The following STX7 variants were observed in gnomAD, a reference collection of about 807,000 sequenced individuals.
STX7 encodes the protein syntaxin-7.
Under a neutral mutation model 39.6 loss-of-function variants are expected in STX7, and 34 were observed. That is an observed-to-expected ratio of 0.86 (90% CI 0.65 to 1.14). The LOEUF is 1.14. Ranked by LOEUF, STX7 falls within the 50% of genes most tolerant of loss-of-function variation. The probability of loss-of-function intolerance (pLI) is 0.00; values close to 1 mark genes in which losing one functional copy is unlikely to be tolerated. For synonymous variants in STX7, 119 were observed against 99.1 expected (o/e 1.20, Z -1.19); for missense variants, 284 against 310.4 (o/e 0.92, Z 0.64).
At chr6:132,479,617 GA>G (rs1442699684) in intron 2 of STX7, among the ~76,000 whole-genome samples, 2 of 152,256 alleles carry the variant, frequency 1.3e-5, no homozygotes, top group East Asian at 3.9e-4. Flanking sequence ...CTTGTTCAGT[GA>G]AATAATAAAC....
At chr6:132,509,000 T>A (rs1186722122) in intron 1 of STX7, among the ~76,000 whole-genome samples, 1 of 152,238 alleles carries the variant, frequency 6.6e-6, no homozygotes, top group Non-Finnish European at 1.5e-5. Context: ...TAATTGCTAA[T>A]GTGATTTTTT....
At chr6:132,472,496 T>C (rs1774753404) in intron 3 of STX7, 121 bp from the exon 4 acceptor site, 1 of 596,530 alleles carries the variant, frequency 1.7e-6, no homozygotes, top group Non-Finnish European at 2.8e-6. Context: ...ATAAACTGGC[T>C]CTCAACTTTC....
In STX7 at chr6:132,455,308, A is replaced by G. The variant is rs1447610295; in HGVS notation, c.*5450T>C. The G allele has an allele frequency of 6.6e-6, 1 of 152,204 alleles. No individual in the cohort carries two copies. The highest frequency in any genetic ancestry group is 2.4e-5 in the African/African-American group (1 of 41,448). The allele number at this position is 152,204 out of a possible 1,614,324, so 9.4% of individuals were successfully genotyped here. On this transcript the variant is annotated 3_prime_UTR_variant, in exon 10 of 10. Coordinates refer to ENST00000367941, the MANE Select transcript of STX7 (RefSeq NM_003569.3). ...AGGGCATTAAAAAGTGAAACTAGGT[A>G]TCAGAAAAATCTTAGTCGAGGCTAA...
chr6:132,461,956 G>A (rs1053592641), intron 9 of STX7: 1 of 1,172,088 alleles, frequency 8.5e-7, no homozygotes. Context: ...AAATTACACT[G>A]AAAACCATAA....
chr6:132,470,503 G>A, intron 6 of STX7, 71 bp downstream of exon 6: 2 of 1,143,416 alleles, frequency 1.7e-6, no homozygotes, highest in Non-Finnish European at 2.6e-6. Context: ...CTTTAATTCT[G>A]TTCCAGGGAC....
intron 2 of STX7, among the ~76,000 whole-genome samples, chr6:132,494,773 A>G (rs1775381967): frequency 6.6e-6 from 1 of 152,206 alleles, no homozygotes; most frequent in African/African-American, 2.4e-5. Flanking sequence ...CTGATTATAA[A>G]AGCCACAGAA....
intron 1 of STX7, 150 bp from the exon 2 acceptor site, chr6:132,503,738 A>G: frequency 2.6e-6 from 1 of 389,394 alleles, no homozygotes; most frequent in Non-Finnish European, 4.6e-6. Flanking sequence ...CAAAACTCTC[A>G]TGTCTACTAA....
rs972844268 is a variant in STX7, at chr6:132,446,700, G to C, written c.*14058C>G. On this transcript the variant is annotated 3_prime_UTR_variant, in exon 10 of 10. Coordinates refer to ENST00000367941, the MANE Select transcript of STX7 (RefSeq NM_003569.3). The stretch of plus-strand genomic sequence containing the variant: ...GTATTAAAATGTTTTTTATGAACAT[G>C]AGCATCTGGCTGCACATACAGAGCA... 1.2e-4 allele frequency: 19 copies of C among 152,252 alleles called. No homozygotes were observed. The highest frequency in any genetic ancestry group is 4.6e-4 in the African/African-American group (19 of 41,562). The allele number at this position is 152,252 out of a possible 1,614,324, so 9.4% of individuals were successfully genotyped here.
rs1774340659 is a variant in STX7, at chr6:132,459,743, G to A, written c.*1015C>T. The A allele has an allele frequency of 6.6e-6, 1 of 152,120 alleles. No individual in the cohort carries two copies. The highest frequency in any genetic ancestry group is 6.5e-5 in the Admixed American group (1 of 15,268). 9.4% of individuals were successfully genotyped at this position (152,120 alleles called of 1,614,324 possible). On this transcript the variant is annotated 3_prime_UTR_variant, in exon 10 of 10. Transcript: ENST00000367941. ...ATTTAAAAAGGGAAGTGAGATAACT[G>A]GCAAACCTCCAATTGCTTTTTTAAT...
At position 132,450,761 on chromosome 6, in the gene STX7, A is replaced by T. The variant is rs1372962028; in HGVS notation, c.*9997T>A. Reference sequence around the variant, plus strand: ...ACAGAAGAAAACAGGCAGAACAAAGATGAACAGAACCTCAGGGACTTACGG... The same window carrying T: ...ACAGAAGAAAACAGGCAGAACAAAGTTGAACAGAACCTCAGGGACTTACGG... On this transcript the variant is annotated 3_prime_UTR_variant, in exon 10 of 10. Coordinates refer to ENST00000367941, the MANE Select transcript of STX7 (RefSeq NM_003569.3). The T allele has an allele frequency of 6.6e-6, 1 of 152,192 alleles. No homozygotes were observed. The highest frequency in any genetic ancestry group is 6.5e-5 in the Admixed American group (1 of 15,280). The allele number at this position is 152,192 out of a possible 1,614,324, so 9.4% of individuals were successfully genotyped here.
chr6:132,468,567 A>C, intron 7 of STX7, 92 bp from the exon 8 acceptor site: 6 of 804,004 alleles, frequency 7.5e-6, no homozygotes, highest in Non-Finnish European at 1.2e-5. Flanking sequence ...CACTACTCAC[A>C]CATGGGTGAG....
At chr6:132,463,083 G>A (rs551239125) in intron 9 of STX7, among the ~76,000 whole-genome samples, 238 of 151,984 alleles carry the variant, frequency 1.6e-3, no homozygotes, top group Middle Eastern at 3.4e-3. Flanking sequence ...TTAGCCAGGC[G>A]TGGGGGTACA....
rs1774077063 is a variant in STX7 at position 132,448,812 on chromosome 6, T to C, written c.*11946A>G. 8.4e-6 allele frequency: 1 copy of C among 118,846 alleles called. No homozygotes were observed. The highest frequency in any genetic ancestry group is 1.2e-4 in the Admixed American group (1 of 8,452). The allele number at this position is 118,846 out of a possible 1,614,324, so 7.4% of individuals were successfully genotyped here. A position where few individuals can be genotyped will look rare whatever the true frequency, so the allele number is the denominator to read the frequency against. Reference sequence around the variant, plus strand: ...GAAATCACACCACTGCACTCCATCATGGGTGACAGAGCAAGACTCTGTCTC... The same window carrying C: ...GAAATCACACCACTGCACTCCATCACGGGTGACAGAGCAAGACTCTGTCTC... On this transcript the variant is annotated 3_prime_UTR_variant, in exon 10 of 10. Transcript: ENST00000367941.
At chr6:132,490,650 T>A (rs1196266060) in intron 2 of STX7, among the ~76,000 whole-genome samples, 1 of 151,040 alleles carries the variant, frequency 6.6e-6, no homozygotes, top group Non-Finnish European at 1.5e-5. Context: ...ATAACCGGGG[T>A]TGCAGAGCTC....
intron 2 of STX7, among the ~76,000 whole-genome samples, chr6:132,501,435 C>T (rs1775556391): frequency 1.3e-5 from 2 of 152,102 alleles, no homozygotes; most frequent in Non-Finnish European, 1.5e-5. Flanking sequence ...AATACTGCCC[C>T]GGATGTACTC....
At position 132,457,591 on chromosome 6, in the gene STX7, C is replaced by T. The variant is rs1043524688; in HGVS notation, c.*3167G>A. The T allele has an allele frequency of 2.0e-5, 3 of 152,188 alleles. No individual in the cohort carries two copies. Among genetic ancestry groups the T allele is most frequent in the African/African-American group, 7.2e-5 (3 of 41,444 alleles). 9.4% of individuals were successfully genotyped at this position (152,188 alleles called of 1,614,324 possible). A position where few individuals can be genotyped will look rare whatever the true frequency, so the allele number is the denominator to read the frequency against. The stretch of plus-strand genomic sequence containing the variant: ...TGTATTTCTTTGCTGACAAGTCAAA[C>T]TGTTCAAATGTTATGGAGGACTAAA... On this transcript the variant is annotated 3_prime_UTR_variant, in exon 10 of 10. Coordinates refer to ENST00000367941, the MANE Select transcript of STX7 (RefSeq NM_003569.3).
intron 2 of STX7, among the ~76,000 whole-genome samples, chr6:132,484,531 AAC>A (rs1775083648): frequency 1.3e-5 from 2 of 152,156 alleles, no homozygotes; most frequent in African/African-American, 2.4e-5. Context: ...AGATCAACCT[AAC>A]ACACACACAG....
At position 132,457,295 on chromosome 6, in the gene STX7, G is replaced by C. The variant is rs1357831037; in HGVS notation, c.*3463C>G. On this transcript the variant is annotated 3_prime_UTR_variant, in exon 10 of 10. Coordinates refer to ENST00000367941, the MANE Select transcript of STX7 (RefSeq NM_003569.3). ...TTCCTACCTATCTTGTGACCTCAGT[G>C]AATGAGATGCTGCTTTATCCAATCT... The C allele has an allele frequency of 6.6e-6, 1 of 152,222 alleles. No homozygotes were observed. The highest frequency in any genetic ancestry group is 1.5e-5 in the Non-Finnish European group (1 of 68,048). The allele number at this position is 152,222 out of a possible 1,614,324, so 9.4% of individuals were successfully genotyped here. A position where few individuals can be genotyped will look rare whatever the true frequency, so the allele number is the denominator to read the frequency against.
At chr6:132,484,264 G>C (rs879504815) in intron 2 of STX7, among the ~76,000 whole-genome samples, 8 of 152,106 alleles carry the variant, frequency 5.3e-5, no homozygotes, top group Non-Finnish European at 1.0e-4. Context: ...ATGCACTACT[G>C]GGTCATCAAA....
Sources: gnomAD v4.1 joint callset for allele counts (sites outside exome capture counted in the v4.1 genomes callset) on GRCh38, gnomAD v4.1.1 for gene constraint, MANE v1.5 for transcripts, NCBI Gene and HGNC (gene_info 2026-07-23, HGNC 2026-07-21) for gene names.